The following RPS6KB2 variants were observed in gnomAD, a reference collection of about 807,000 sequenced individuals.
RPS6KB2 encodes the protein ribosomal protein S6 kinase beta-2.
A neutral mutation model predicts 58.2 loss-of-function variants in RPS6KB2; 51 were observed. That is an observed-to-expected ratio of 0.88 (90% CI 0.70 to 1.11). RPS6KB2 has a LOEUF of 1.11. Among genes scored for constraint, RPS6KB2 ranks in the 50% least tolerant of loss-of-function variants. The pLI is 0.00. For synonymous variants in RPS6KB2, 293 were observed against 258.6 expected, an observed-to-expected ratio of 1.13 and a Z score of -1.28; for missense variants, 671 against 655.8, an observed-to-expected ratio of 1.02 and a Z score of -0.25.
chr11:67,429,402 A>T (rs1340942990), intron 3 of RPS6KB2, 125 bp from the exon 4 acceptor site: 1 of 1,361,974 alleles, frequency 7.3e-7, no homozygotes, highest in Non-Finnish European at 1.0e-6. Context: ...TCGGACTTGA[A>T]ATCTTCACTG....
Position 67,432,332 on chromosome 11 carries a change from T to C in RPS6KB2, c.458-268T>C, listed in dbSNP as rs933168987. On this transcript the variant is annotated intron_variant, in intron 5 of 14. Transcript: ENST00000312629. ...TGGGCCTGGCGTATTAGAGCCGTTG[T>C]GTACATGTCTGTCTCCCCAGTAGAC... is the stretch of plus-strand genomic sequence containing the variant. 6.0e-6 allele frequency: 4 copies of C among 663,150 alleles called. No homozygotes were observed. The East Asian group carries it at 1.2e-4, about 20-fold the overall frequency. The allele number at this position is 663,150 out of a possible 1,614,324, so 41.1% of individuals were successfully genotyped here.
intron 11 of RPS6KB2, 27 bp downstream of exon 11, chr11:67,434,084 A>AG (rs747307396): frequency 1.2e-6 from 2 of 1,613,670 alleles, no homozygotes; most frequent in East Asian, 4.5e-5. Flanking sequence ...CACCAGGGGT[A>AG]GGGCTGAGTC....
In RPS6KB2 at chr11:67,429,040, TGG is replaced by T. The variant is rs1414930894; in HGVS notation, c.119+22_119+23del. 6.3e-7 allele frequency: 1 copy of T among 1,581,118 alleles called. No homozygotes were observed. The highest frequency in any genetic ancestry group is 8.7e-7 in the Non-Finnish European group (1 of 1,155,970). On this transcript the variant is annotated intron_variant, in intron 2 of 14. Transcript: ENST00000312629. ...GGCCTAGAGTGAGTGAGGGTCGTGT[TGG>T]GGGAGGGGGGAATGGAGTGGGGAAG...
At chr11:67,434,956 G>A in intron 14 of RPS6KB2, 33 bp from the exon 15 acceptor site, 1 of 1,603,246 alleles carries the variant, frequency 6.2e-7, no homozygotes, top group Non-Finnish European at 8.5e-7. Context: ...CAGGGCCTAG[G>A]AGGCTCTTAT....
In RPS6KB2 at chr11:67,434,778, C is replaced by T. The variant is rs369261582; in HGVS notation, c.1268+84C>T. On this transcript the variant is annotated intron_variant, in intron 14 of 14. Transcript: ENST00000312629. ...GCTCCAGCCTTGGGTGCCTTGGCCA[C>T]GTCTGTCGGCCAGTGTTGGCTTCGG... The T allele has an allele frequency of 1.7e-4, 198 of 1,163,852 alleles. 1 individual carries two copies. In the African/African-American group the frequency reaches 2.6e-3, roughly 15 times the overall value. 72.1% of individuals were successfully genotyped at this position (1,163,852 alleles called of 1,614,324 possible). A position where few individuals can be genotyped will look rare whatever the true frequency, so the allele number is the denominator to read the frequency against.
chr11:67,429,334 G>T lies in RPS6KB2; in HGVS notation c.240+94G>T, dbSNP rs932509384. The T allele has an allele frequency of 3.3e-6, 5 of 1,532,420 alleles. No homozygotes were observed. In the African/African-American group the frequency reaches 6.8e-5, roughly 21 times the overall value. The allele number at this position is 1,532,420 out of a possible 1,614,324, so 94.9% of individuals were successfully genotyped here. ...CAAATTAGACTTGTGAATCAGCAGG[G>T]CCTCTAATGGGATTCAGAGCCAGAA... On this transcript the variant is annotated intron_variant, in intron 3 of 14. Coordinates refer to ENST00000312629, the MANE Select transcript of RPS6KB2 (RefSeq NM_003952.3).
intron 2 of RPS6KB2, 31 bp from the exon 3 acceptor site, chr11:67,429,089 C>A: frequency 6.2e-7 from 1 of 1,613,814 alleles, no homozygotes; most frequent in South Asian, 1.1e-5. Context: ...AGCACTGGAG[C>A]CTTGTCCTCA....
chr11:67,429,148 C>G lies in RPS6KB2; in HGVS notation c.148C>G (p.Leu50Val), dbSNP rs1398594750. The G allele has an allele frequency of 1.2e-6, 2 of 1,613,492 alleles. No homozygotes were observed. The highest frequency in any genetic ancestry group is 1.7e-5 in the Admixed American group (1 of 60,018). ...TGTGGGACACTATGAAGAGGTGGAG[C>G]TGACTGAGACCAGCGTGAACGTTGG... ...EPVGHYEEVE[L>V]TETSVNVGPE... The change falls in exon 3 of 15, where the codon CTG becomes GTG. Residue 50 changes from leucine to valine, a missense_variant. Coordinates refer to ENST00000312629, the MANE Select transcript of RPS6KB2 (RefSeq NM_003952.3).
chr11:67,434,343 C>T, intron 12 of RPS6KB2, 34 bp from the exon 13 acceptor site: 9 of 1,609,896 alleles, frequency 5.6e-6, no homozygotes, highest in Non-Finnish European at 7.6e-6. Flanking sequence ...ATCTTGGTGC[C>T]CTCTGACCCC....
chr11:67,434,192 C>T lies in RPS6KB2; in HGVS notation c.970-6C>T. 1 of 1,614,070 alleles carries T rather than the reference C, an allele frequency of 6.2e-7. No individual in the cohort carries two copies. The highest frequency in any genetic ancestry group is 1.7e-5 in the Admixed American group (1 of 60,034). On this transcript the variant is annotated splice_polypyrimidine_tract_variant and splice_region_variant and intron_variant, in intron 11 of 14. Coordinates refer to ENST00000312629, the MANE Select transcript of RPS6KB2 (RefSeq NM_003952.3). ...TTAGTGGGTTTGGTGCATTCTCTAC[C>T]TACAGAGACATCCCTTTTTCCGGCA...
intron 4 of RPS6KB2, chr11:67,429,827 T>A (rs559233119): frequency 4.7e-5 from 22 of 467,832 alleles, no homozygotes; most frequent in South Asian, 3.6e-4. Context: ...ATTTTATTTT[T>A]TTTTAAGACG....
At chr11:67,434,172 G>A in intron 11 of RPS6KB2, 26 bp from the exon 12 acceptor site, 3 of 1,613,694 alleles carry the variant, frequency 1.9e-6, no homozygotes, top group Non-Finnish European at 2.5e-6. Context: ...AGCTGTTAGT[G>A]GGTTTGGTGC....
In RPS6KB2 at chr11:67,435,360, G is replaced by T. The variant is rs1037401263; in HGVS notation, c.*191G>T. ...CACGGAGGGCCGCCCGCCACGCCCC[G>T]CGCTCAACTGCTCCCGTGGAAGATT... On this transcript the variant is annotated 3_prime_UTR_variant, in exon 15 of 15. Coordinates refer to ENST00000312629, the MANE Select transcript of RPS6KB2 (RefSeq NM_003952.3). 32 of 625,340 alleles carry T rather than the reference G, an allele frequency of 5.1e-5. No individual in the cohort carries two copies. The highest frequency in any genetic ancestry group is 7.7e-5 in the Non-Finnish European group (28 of 364,248). 38.7% of individuals were successfully genotyped at this position (625,340 alleles called of 1,614,324 possible). A position where few individuals can be genotyped will look rare whatever the true frequency, so the allele number is the denominator to read the frequency against.
In RPS6KB2 at chr11:67,435,296, T is replaced by C; in HGVS notation, c.*127T>C. 2.2e-6 allele frequency: 2 copies of C among 903,136 alleles called. No individual in the cohort carries two copies. Among genetic ancestry groups the C allele is most frequent in the Non-Finnish European group, 3.2e-6 (2 of 617,810 alleles). 55.9% of individuals were successfully genotyped at this position (903,136 alleles called of 1,614,324 possible). ...GGTGGGGTGTGAGTGCGTATGAAAGTGTGTGTCTGCTGGGGCAGCTGTGCC... is the reference window on the plus strand; with the variant it reads ...GGTGGGGTGTGAGTGCGTATGAAAGCGTGTGTCTGCTGGGGCAGCTGTGCC... On this transcript the variant is annotated 3_prime_UTR_variant, in exon 15 of 15. Transcript: ENST00000312629.
chr11:67,429,707 C>T (rs1471514131), intron 4 of RPS6KB2, 112 bp downstream of exon 4: 2 of 866,088 alleles, frequency 2.3e-6, no homozygotes, highest in Admixed American at 2.1e-5. Flanking sequence ...CTGACTTTGG[C>T]GTTTGCTGGT....
chr11:67,428,578 G>A lies in RPS6KB2; in HGVS notation c.33G>A (p.Thr11=), dbSNP rs35363135. Residue 11 remains threonine (T), a synonymous_variant, in exon 1 of 15, where the codon ACG becomes ACA. Transcript: ENST00000312629. MAAVFDLDLE[T]EEGSEGEGEP... is the part of the protein sequence containing the mutation. ...CCGTGTTTGATTTGGATTTGGAGAC[G>A]GAGGAAGGCAGCGAGGGCGAGGGCG... 36,361 of 1,611,052 alleles carry A rather than the reference G, an allele frequency of 0.023. 6,533 individuals carry two copies. The African/African-American group carries it at 0.41, about 18-fold the overall frequency.
In RPS6KB2 at chr11:67,434,257, C is replaced by T; in HGVS notation, c.1029C>T (p.Pro343=). 1 of 1,613,626 alleles carries T rather than the reference C, an allele frequency of 6.2e-7. No individual in the cohort carries two copies. Among genetic ancestry groups the T allele is most frequent in the African/African-American group, 1.3e-5 (1 of 75,048 alleles). Reference sequence around the variant, plus strand: ...ACCTTCTGGCCTGGCGTGTGGACCCCCCTTTCAGGCCCTGTCTGGTGAGCA... The same window carrying T: ...ACCTTCTGGCCTGGCGTGTGGACCCTCCTTTCAGGCCCTGTCTGGTGAGCA... ...WDDLLAWRVD[P]PFRPCLQSEE... Residue 343 remains proline (P), a synonymous_variant, in exon 12 of 15, where the codon CCC becomes CCT. Transcript: ENST00000312629.
At position 67,429,413 on chromosome 11, in the gene RPS6KB2, C is replaced by T. The variant is rs895487970; in HGVS notation, c.241-114C>T. On this transcript the variant is annotated intron_variant, in intron 3 of 14. Coordinates refer to ENST00000312629, the MANE Select transcript of RPS6KB2 (RefSeq NM_003952.3). ...CCAATCGGACTTGAAATCTTCACTGCCCCACCCTTGGCAGGGCCTAGGCCT... is the reference window on the plus strand; with the variant it reads ...CCAATCGGACTTGAAATCTTCACTGTCCCACCCTTGGCAGGGCCTAGGCCT... 25 of 1,361,926 alleles carry T rather than the reference C, an allele frequency of 1.8e-5. No homozygotes were observed. The East Asian group carries it at 5.7e-4, about 31-fold the overall frequency. 84.4% of individuals were successfully genotyped at this position (1,361,926 alleles called of 1,614,324 possible). A position where few individuals can be genotyped will look rare whatever the true frequency, so the allele number is the denominator to read the frequency against.
At position 67,434,191 on chromosome 11, in the gene RPS6KB2, C is replaced by T. The variant is rs1215460068; in HGVS notation, c.970-7C>T. On this transcript the variant is annotated splice_polypyrimidine_tract_variant and splice_region_variant and intron_variant, in intron 11 of 14. Coordinates refer to ENST00000312629, the MANE Select transcript of RPS6KB2 (RefSeq NM_003952.3). ...GTTAGTGGGTTTGGTGCATTCTCTA[C>T]CTACAGAGACATCCCTTTTTCCGGC... is the stretch of plus-strand genomic sequence containing the variant. The T allele has an allele frequency of 4.3e-6, 7 of 1,613,918 alleles. No homozygotes were observed. The highest frequency in any genetic ancestry group is 2.2e-5 in the East Asian group (1 of 44,896).
Sources: gnomAD v4.1 joint callset for allele counts on GRCh38, gnomAD v4.1.1 for gene constraint, MANE v1.5 for transcripts, NCBI Gene and HGNC (gene_info 2026-07-23, HGNC 2026-07-21) for gene names.